XPO1: variants seen among roughly 807,000 people sequenced by gnomAD.
XPO1 encodes exportin-1.
Under a neutral mutation model 133.3 loss-of-function variants are expected in XPO1, and 5 were observed. That is an observed-to-expected ratio of 0.04 (90% CI 0.02 to 0.08). The LOEUF (loss-of-function observed/expected upper bound fraction) is 0.08, where lower values mean the gene tolerates loss of function less well. Among genes scored for constraint, XPO1 ranks in the 10% least tolerant of loss-of-function variants. The pLI, the probability that XPO1 is intolerant of heterozygous loss-of-function variation, is 1.00. For missense variants in XPO1, 506 were observed against 1,267.5 expected, an observed-to-expected ratio of 0.40 and a Z score of 9.12; for synonymous variants, 419 against 408.2, an observed-to-expected ratio of 1.03 and a Z score of -0.32.
intron 4 of XPO1, among the ~76,000 whole-genome samples, chr2:61,514,097 G>C (rs1021293571): frequency 6.6e-6 from 1 of 151,554 alleles, no homozygotes. Flanking sequence ...TGAGACAGGA[G>C]AATCGCTTGA....
At chr2:61,502,173 C>T (rs1489180211) in intron 5 of XPO1, 76 bp downstream of exon 5, 5 of 1,554,920 alleles carry the variant, frequency 3.2e-6, no homozygotes, top group Non-Finnish European at 3.5e-6. Context: ...TGTGTCTTGA[C>T]AGAATTAGGT....
At chr2:61,483,398 CA>C (rs1696501577) in intron 21 of XPO1, 2 of 266,864 alleles carry the variant, frequency 7.5e-6, no homozygotes, top group African/African-American at 4.5e-5. Context: ...GATAAGACTA[CA>C]CATAAGGTGG....
At position 61,478,253 on chromosome 2, in the gene XPO1, G is replaced by A. The variant is rs930832839; in HGVS notation, c.*567C>T. ...ACTGTGTTCCCATATTTTTGAAGTC[G>A]CTTTACAATGGGATGATATGCACAT... On this transcript the variant is annotated 3_prime_UTR_variant, in exon 25 of 25. Transcript: ENST00000401558. 3.0e-5 allele frequency: 7 copies of A among 233,464 alleles called. No homozygotes were observed. Among genetic ancestry groups the A allele is most frequent in the South Asian group, 3.6e-4 (2 of 5,532 alleles). 14.5% of individuals were successfully genotyped at this position (233,464 alleles called of 1,614,324 possible).
At chr2:61,505,310 A>G (rs1334281955) in intron 4 of XPO1, among the ~76,000 whole-genome samples, 1 of 152,210 alleles carries the variant, frequency 6.6e-6, no homozygotes, top group Non-Finnish European at 1.5e-5. Context: ...ATTTTTAAAA[A>G]CAAAAAGTAG....
rs965316549 is a variant in XPO1 at position 61,499,861 on chromosome 2, T to C, written c.442A>G (p.Thr148Ala). The C allele has an allele frequency of 5.0e-6, 8 of 1,611,296 alleles. No homozygotes were observed. Among genetic ancestry groups the C allele is most frequent in the Non-Finnish European group, 6.8e-6 (8 of 1,179,470 alleles). Residue 148 changes from threonine (T) to alanine (A), a missense_variant, in exon 7 of 25, where the codon ACT becomes GCT. Thr to Ala is a moderately conservative substitution (Grantham distance 58, BLOSUM62 0). This residue lies in a region of XPO1 where 68 missense variants were observed against 210.5 expected (regional missense o/e 0.32). Transcript: ENST00000401558. ...LKQEWPKHWP[T>A]FISDIVGASR... ...GCTCCAACAATATCACTGATAAAAG[T>C]TGGCCAATGTTTGGGCCATTCTTGT...
rs1696791082 is a variant in XPO1 at position 61,488,264 on chromosome 2, C to G, written c.2214G>C (p.Met738Ile). 6.2e-7 allele frequency: 1 copy of G among 1,613,432 alleles called. No homozygotes were observed. The highest frequency in any genetic ancestry group is 1.7e-5 in the Admixed American group (1 of 59,966). ...TTCTAATCAATGGTTGCTTTGTAAC[C>G]ATTTCACCTACAAAACAGAATCAAA... ...ISAAIQANGE[M>I]VTKQPLIRSM... The change falls in exon 19 of 25, where the codon ATG becomes ATC. Residue 738 changes from methionine to isoleucine, a missense_variant. Transcript: ENST00000401558.
intron 23 of XPO1, 47 bp downstream of exon 23, chr2:61,482,333 C>T (rs749168830): frequency 3.3e-6 from 5 of 1,526,940 alleles, no homozygotes; most frequent in Non-Finnish European, 4.4e-6. Flanking sequence ...GTGTGAGCCA[C>T]TGTGCCCGAC....
intron 2 of XPO1, among the ~76,000 whole-genome samples, chr2:61,530,604 G>T (rs1451012673): frequency 6.6e-6 from 1 of 151,888 alleles, no homozygotes; most frequent in African/African-American, 2.4e-5. Context: ...AGGGTAGAGG[G>T]TAGTCCTAAT....
chr2:61,509,555 G>A (rs1200188996), intron 4 of XPO1, among the ~76,000 whole-genome samples: 1 of 152,076 alleles, frequency 6.6e-6, no homozygotes, highest in African/African-American at 2.4e-5. Context: ...CAACCCAGGA[G>A]GCAGAGGTTG....
At chr2:61,511,785 G>A (rs1178677393) in intron 4 of XPO1, among the ~76,000 whole-genome samples, 1 of 150,228 alleles carries the variant, frequency 6.7e-6, no homozygotes, top group Non-Finnish European at 1.5e-5. Flanking sequence ...TTGAGACGGA[G>A]CCTTGCTCTG....
At chr2:61,516,128 A>T (rs1184301547) in intron 4 of XPO1, among the ~76,000 whole-genome samples, 1 of 148,192 alleles carries the variant, frequency 6.7e-6, no homozygotes, top group Admixed American at 6.7e-5. Flanking sequence ...TCCGTCGCAA[A>T]ATTAAAAAAA....
chr2:61,505,369 G>C (rs1697747698), intron 4 of XPO1, among the ~76,000 whole-genome samples: 1 of 149,102 alleles, frequency 6.7e-6, no homozygotes, highest in Non-Finnish European at 1.5e-5. Flanking sequence ...GAATTAACTT[G>C]GGTAATCTAT....
intron 2 of XPO1, among the ~76,000 whole-genome samples, chr2:61,528,601 A>G (rs1204477561): frequency 1.3e-5 from 2 of 150,884 alleles, no homozygotes; most frequent in Non-Finnish European, 3.0e-5. Context: ...AAGAATCAGG[A>G]AGATTGCCCC....
chr2:61,525,085 G>A (rs989492190), intron 3 of XPO1, among the ~76,000 whole-genome samples: 1 of 151,958 alleles, frequency 6.6e-6, no homozygotes, highest in South Asian at 2.1e-4. Context: ...TGAAGATGAG[G>A]GACAGATAAC....
Position 61,482,943 on chromosome 2 carries a change from TATTAA to T in XPO1, c.2812+9_2812+13del. 4.3e-6 allele frequency: 7 copies of T among 1,613,240 alleles called. No individual in the cohort carries two copies. The highest frequency in any genetic ancestry group is 5.9e-6 in the Non-Finnish European group (7 of 1,179,876). Reference sequence around the variant, plus strand: ...CAGCTGGCACTTAACATTTAAATCGTATTAAATTCTTACCAGCAGTATGTGAAGTG... The same window carrying T: ...CAGCTGGCACTTAACATTTAAATCGTATTCTTACCAGCAGTATGTGAAGTG... On this transcript the variant is annotated intron_variant, in intron 22 of 24. Coordinates refer to ENST00000401558, the MANE Select transcript of XPO1 (RefSeq NM_003400.4).
At chr2:61,528,073 C>A (rs563394353) in intron 2 of XPO1, among the ~76,000 whole-genome samples, 2 of 151,836 alleles carry the variant, frequency 1.3e-5, no homozygotes, top group Non-Finnish European at 2.9e-5. Flanking sequence ...ACTACAGGCA[C>A]CTGCCACCAC....
intron 4 of XPO1, among the ~76,000 whole-genome samples, chr2:61,521,742 T>C (rs1160492132): frequency 1.3e-5 from 2 of 152,046 alleles, no homozygotes; most frequent in African/African-American, 2.4e-5. Context: ...ACCTTACATA[T>C]GGTTTTTTTT....
intron 9 of XPO1, among the ~76,000 whole-genome samples, chr2:61,498,071 A>G (rs1385206455): frequency 6.6e-6 from 1 of 152,238 alleles, no homozygotes; most frequent in Non-Finnish European, 1.5e-5. Flanking sequence ...AACTGGTAAC[A>G]GTGATTATCT....
At chr2:61,532,652 A>G (rs1699207768) in intron 2 of XPO1, among the ~76,000 whole-genome samples, 1 of 149,624 alleles carries the variant, frequency 6.7e-6, no homozygotes, top group Admixed American at 6.7e-5. Context: ...CCTGGCCAAT[A>G]TGATGAAACC....
Sources: allele counts gnomAD v4.1 joint callset (sites outside exome capture counted in the v4.1 genomes callset), GRCh38; gene constraint gnomAD v4.1.1; regional missense constraint gnomAD v4.1.1; transcripts MANE v1.5; gene names NCBI Gene and HGNC (gene_info 2026-07-23, HGNC 2026-07-21).